MARCHF6: variants seen among roughly 807,000 people sequenced by gnomAD.
MARCHF6 encodes membrane associated ring-CH-type finger 6, also known as E3 ubiquitin-protein ligase MARCHF6.
Under a neutral mutation model 133.7 loss-of-function variants are expected in MARCHF6, and 31 were observed. That is an observed-to-expected ratio of 0.23 (90% confidence interval 0.17 to 0.31). The LOEUF (loss-of-function observed/expected upper bound fraction) is 0.31, where lower values mean the gene tolerates loss of function less well. Ranked by LOEUF, MARCHF6 falls within the 10% of genes least tolerant of loss-of-function variation. MARCHF6 has a pLI of 1.00. For synonymous variants in MARCHF6, 395 were observed against 402.5 expected (o/e 0.98, Z 0.22); for missense variants, 723 against 1,121.6 (o/e 0.64, Z 5.08).
intron 1 of MARCHF6, among the ~76,000 whole-genome samples, chr5:10,357,888 AC>A (rs895937183): frequency 7.2e-5 from 11 of 152,282 alleles, no homozygotes; most frequent in African/African-American, 2.6e-4. Context: ...ATATGGCATA[AC>A]TAGAAGGTTA....
chr5:10,382,299 C>G (rs1377113158), intron 4 of MARCHF6, among the ~76,000 whole-genome samples: 1 of 152,112 alleles, frequency 6.6e-6, no homozygotes, highest in East Asian at 1.9e-4. Context: ...AATCCCAGCA[C>G]TTCAGGAGGC....
intron 21 of MARCHF6, among the ~76,000 whole-genome samples, chr5:10,416,500 C>G (rs1191940288): frequency 6.6e-6 from 1 of 152,106 alleles, no homozygotes; most frequent in Non-Finnish European, 1.5e-5. Context: ...CAGAATCCAG[C>G]TAATTCCAGT....
At chr5:10,368,718 T>TA (rs1262402165) in intron 1 of MARCHF6, among the ~76,000 whole-genome samples, 1 of 152,148 alleles carries the variant, frequency 6.6e-6, no homozygotes, top group Non-Finnish European at 1.5e-5. Context: ...TAGCTGGTAC[T>TA]ACAGGTGTGC....
intron 17 of MARCHF6, among the ~76,000 whole-genome samples, chr5:10,408,962 TTCTC>T (rs1561137633): frequency 6.6e-6 from 1 of 152,192 alleles, no homozygotes; most frequent in African/African-American, 2.4e-5. Context: ...TTAGGTCTTT[TTCTC>T]TCTGTCTCTC....
intron 1 of MARCHF6, among the ~76,000 whole-genome samples, chr5:10,354,166 C>T: frequency 6.6e-6 from 1 of 151,998 alleles, no homozygotes; most frequent in East Asian, 1.9e-4. Flanking sequence ...GGGGTCGGGG[C>T]CTCGGGGCTA....
chr5:10,396,941 C>G (rs532891455), intron 9 of MARCHF6, among the ~76,000 whole-genome samples: 2 of 152,154 alleles, frequency 1.3e-5, no homozygotes, highest in East Asian at 1.9e-4. Context: ...ATTTGGCTTT[C>G]AAATTTTTCT....
chr5:10,421,914 A>C (rs949448272), intron 22 of MARCHF6: 1 of 152,248 alleles, frequency 6.6e-6, no homozygotes, highest in African/African-American at 2.4e-5. Flanking sequence ...AAATTATAAC[A>C]AGTGCTTTAT....
At chr5:10,399,888 T>C (rs1738423431) in intron 10 of MARCHF6, among the ~76,000 whole-genome samples, 1 of 152,212 alleles carries the variant, frequency 6.6e-6, no homozygotes, top group South Asian at 2.1e-4. Context: ...TCTTGCAGCA[T>C]GTCATGTTTT....
chr5:10,358,775 A>G (rs936124869), intron 1 of MARCHF6, among the ~76,000 whole-genome samples: 3 of 152,242 alleles, frequency 2.0e-5, no homozygotes, highest in African/African-American at 4.8e-5. Context: ...TATGTCATTA[A>G]TGCATAAAAT....
chr5:10,400,017 C>T (rs1256597109), intron 10 of MARCHF6, among the ~76,000 whole-genome samples: 1 of 152,124 alleles, frequency 6.6e-6, no homozygotes, highest in Non-Finnish European at 1.5e-5. Context: ...ACATCTGGGA[C>T]AAATCCATCA....
intron 3 of MARCHF6, among the ~76,000 whole-genome samples, chr5:10,379,770 T>A (rs960100264): frequency 8.5e-5 from 13 of 152,150 alleles, no homozygotes; most frequent in Middle Eastern, 3.4e-3. Flanking sequence ...AAGCTTTTTT[T>A]AAAAAAATAA....
At position 10,438,265 on chromosome 5, in the gene MARCHF6, T is replaced by C. The variant is rs1323643713; in HGVS notation, c.*4581T>C. On this transcript the variant is annotated 3_prime_UTR_variant, in exon 26 of 26. Coordinates refer to ENST00000274140, the MANE Select transcript of MARCHF6 (RefSeq NM_005885.4). ...AGATAAAAAGGAAAGACTTGCGTGA[T>C]GTTTTTTTCCTTCTGAGTGCCCTGA... 2.6e-5 allele frequency: 4 copies of C among 152,230 alleles called. No individual in the cohort carries two copies. Among genetic ancestry groups the C allele is most frequent in the Non-Finnish European group, 5.9e-5 (4 of 68,032 alleles). The allele number at this position is 152,230 out of a possible 1,614,324, so 9.4% of individuals were successfully genotyped here.
At chr5:10,408,164 C>T (rs992409600) in intron 17 of MARCHF6, among the ~76,000 whole-genome samples, 2 of 152,188 alleles carry the variant, frequency 1.3e-5, no homozygotes, top group African/African-American at 4.8e-5. Flanking sequence ...TAATCTAACT[C>T]GATTTGCCAC....
At chr5:10,410,975 A>G (rs1160304484) in intron 18 of MARCHF6, among the ~76,000 whole-genome samples, 1 of 152,168 alleles carries the variant, frequency 6.6e-6, no homozygotes, top group Non-Finnish European at 1.5e-5. Flanking sequence ...GTACATTGTA[A>G]GTATGTACTT....
intron 12 of MARCHF6, 88 bp from the exon 13 acceptor site, chr5:10,402,296 C>T: frequency 5.5e-6 from 7 of 1,272,874 alleles, no homozygotes; most frequent in Non-Finnish European, 8.0e-6. Context: ...TAAATTAATT[C>T]TGTCAAAAAA....
rs1730371097 is a variant in MARCHF6 at position 10,417,272 on chromosome 5, C to G, written c.2151C>G (p.Ile717Met). The G allele has an allele frequency of 6.2e-7, 1 of 1,608,260 alleles. No individual in the cohort carries two copies. The highest frequency in any genetic ancestry group is 8.5e-7 in the Non-Finnish European group (1 of 1,178,704). The part of the protein sequence containing the change: ...FQKVKEWSLM[I>M]MKTLIVAVLL... ...TGTGGGCTCCTGTTTCCTAATAGATCATGAAGACTTTGATAGTTGCGGTGC... is the reference window on the plus strand; with the variant it reads ...TGTGGGCTCCTGTTTCCTAATAGATGATGAAGACTTTGATAGTTGCGGTGC... Residue 717 changes from isoleucine to methionine, a missense_variant and splice_region_variant, in exon 22 of 26, where the codon ATC becomes ATG. Ile to Met is a conservative substitution (Grantham distance 10, BLOSUM62 1). Coordinates refer to ENST00000274140, the MANE Select transcript of MARCHF6 (RefSeq NM_005885.4).
At chr5:10,355,718 A>G (rs1373259192) in intron 1 of MARCHF6, among the ~76,000 whole-genome samples, 1 of 152,218 alleles carries the variant, frequency 6.6e-6, no homozygotes, top group Non-Finnish European at 1.5e-5. Flanking sequence ...GGTAGTCGGC[A>G]TTTTCATTTT....
chr5:10,374,843 G>C (rs1368743255), intron 1 of MARCHF6, among the ~76,000 whole-genome samples: 4 of 152,152 alleles, frequency 2.6e-5, no homozygotes, highest in African/African-American at 9.7e-5. Flanking sequence ...AAACTGAAAG[G>C]CAACAGCAAT....
chr5:10,411,151 T>G (rs1739208054), intron 18 of MARCHF6, among the ~76,000 whole-genome samples, 182 bp from the exon 19 acceptor site: 1 of 152,210 alleles, frequency 6.6e-6, no homozygotes, highest in Non-Finnish European at 1.5e-5. Flanking sequence ...TCATTAACAT[T>G]AGAAAGGTTT....
Sources: allele counts gnomAD v4.1 joint callset (sites outside exome capture counted in the v4.1 genomes callset), GRCh38; gene constraint gnomAD v4.1.1; transcripts MANE v1.5; gene names NCBI Gene and HGNC (gene_info 2026-07-23, HGNC 2026-07-21).